Variants in OTOP1 observed in about 807,000 individuals in gnomAD.
OTOP1 encodes the protein proton channel OTOP1.
OTOP1 carries 59 observed loss-of-function variants against 52.9 expected under a neutral mutation model. The observed-to-expected ratio is 1.12, with a 90% CI of 0.91 to 1.39. The LOEUF (loss-of-function observed/expected upper bound fraction) is 1.39, where lower values mean the gene tolerates loss of function less well. OTOP1 is among the 40% of genes most tolerant of loss of function. OTOP1 has a pLI of 0.00. For synonymous variants in OTOP1, 317 were observed against 337.7 expected (o/e 0.94, Z 0.67); for missense variants, 761 against 800.9 (o/e 0.95, Z 0.60).
intron 1 of OTOP1, among the ~76,000 whole-genome samples, chr4:4,223,334 A>C (rs571932782): frequency 6.6e-6 from 1 of 152,306 alleles, no homozygotes; most frequent in African/African-American, 2.4e-5. Flanking sequence ...CTCAGGTGCC[A>C]ATGCTCGGAG....
intron 1 of OTOP1, 124 bp from the exon 2 acceptor site, chr4:4,213,128 A>C: frequency 8.0e-7 from 1 of 1,250,134 alleles, no homozygotes. Context: ...ATTTTTCACA[A>C]GGGTGCCGAG....
intron 2 of OTOP1, among the ~76,000 whole-genome samples, chr4:4,209,348 C>T (rs1179619802): frequency 1.3e-5 from 2 of 151,880 alleles, no homozygotes; most frequent in Non-Finnish European, 2.9e-5. Flanking sequence ...ATACTTTTTT[C>T]CATTCTCCAG....
chr4:4,199,620 C>A (rs1211411984), intron 4 of OTOP1, among the ~76,000 whole-genome samples: 1 of 152,158 alleles, frequency 6.6e-6, no homozygotes, highest in Admixed American at 6.5e-5. Context: ...GCCACGTTGG[C>A]TAGGCTGGTC....
chr4:4,210,612 C>T (rs1717005249), intron 2 of OTOP1, among the ~76,000 whole-genome samples: 1 of 152,136 alleles, frequency 6.6e-6, no homozygotes, highest in Admixed American at 6.5e-5. Context: ...AGGTGGATTG[C>T]CTGAGGTCAG....
chr4:4,207,899 G>A (rs778258666), intron 2 of OTOP1, among the ~76,000 whole-genome samples: 2 of 152,218 alleles, frequency 1.3e-5, no homozygotes, highest in Non-Finnish European at 2.9e-5. Context: ...CAAATACTGG[G>A]AAACAAGGAA....
In OTOP1 at chr4:4,197,721, A is replaced by C. The variant is rs765210936; in HGVS notation, c.1113T>G (p.Ile371Met). ...MGAAGLAGIR[I>M]YRIDEKSLDE... The stretch of plus-strand genomic sequence containing the variant: ...CCAGTGACTTCTCGTCTATCCTGTA[A>C]ATCCGGATTCCAGCCAGCCCCGCAG... The change falls in exon 5 of 6, where the codon ATT (isoleucine) becomes ATG (methionine). Residue 371 changes from isoleucine (I) to methionine (M), a missense_variant. By Grantham distance (10) the Ile-to-Met change is conservative. Transcript: ENST00000296358. 6.8e-6 allele frequency: 11 copies of C among 1,613,452 alleles called. No homozygotes were observed. Among genetic ancestry groups the C allele is most frequent in the Non-Finnish European group, 9.3e-6 (11 of 1,179,918 alleles).
intron 3 of OTOP1, among the ~76,000 whole-genome samples, chr4:4,205,370 C>T (rs73209145): frequency 0.086 from 13,139 of 152,248 alleles, 746 homozygotes; most frequent in East Asian, 0.23. Context: ...CCTCTCCCTG[C>T]GCCTGCCTGA....
Position 4,226,512 on chromosome 4 carries a change from C to T in OTOP1, c.353G>A (p.Arg118His). ...CGTGTCCTTGAGGCGGAAGAGGCGG[C>T]GGTGCGCGGAGCTGCGGCCCACGTA... ...LWYVGRSSAH[R>H]RLFRLKDTHA... The change falls in exon 1 of 6, where the codon CGC (arginine) becomes CAC (histidine). Residue 118 changes from arginine to histidine, a missense_variant. Arg to His is a conservative substitution (Grantham distance 29). This residue lies in a region of OTOP1 where 56 missense variants were observed against 105.6 expected (regional missense o/e 0.53). Transcript: ENST00000296358. 2 of 1,584,210 alleles carry T rather than the reference C, an allele frequency of 1.3e-6. No homozygotes were observed. The highest frequency in any genetic ancestry group is 8.5e-7 in the Non-Finnish European group (1 of 1,172,024).
chr4:4,200,406 G>A (rs1381492924), intron 4 of OTOP1, among the ~76,000 whole-genome samples: 1 of 151,162 alleles, frequency 6.6e-6, no homozygotes, highest in East Asian at 1.9e-4. Context: ...CTCCCGGGAG[G>A]CAGAGCTTGC....
intron 4 of OTOP1, among the ~76,000 whole-genome samples, chr4:4,201,059 G>T (rs1490116530): frequency 6.6e-6 from 1 of 152,224 alleles, no homozygotes; most frequent in African/African-American, 2.4e-5. Context: ...ATCATGGCTC[G>T]ATCACGTGTT....
intron 4 of OTOP1, among the ~76,000 whole-genome samples, chr4:4,200,930 G>A (rs1716770655): frequency 6.6e-6 from 1 of 152,132 alleles, no homozygotes; most frequent in Non-Finnish European, 1.5e-5. Flanking sequence ...GACCAGGGAA[G>A]AAAGCAGGAG....
intron 5 of OTOP1, among the ~76,000 whole-genome samples, chr4:4,196,962 G>C (rs971917318): frequency 6.6e-6 from 1 of 152,092 alleles, no homozygotes; most frequent in Non-Finnish European, 1.5e-5. Context: ...GGGACTACTA[G>C]GGGGAGAGGC....
intron 1 of OTOP1, among the ~76,000 whole-genome samples, chr4:4,221,223 G>A (rs1385680674): frequency 1.3e-5 from 2 of 151,736 alleles, no homozygotes; most frequent in South Asian, 2.1e-4. Context: ...GGGATTACAG[G>A]CACTCCACAT....
At position 4,197,162 on chromosome 4, in the gene OTOP1, T is replaced by A. The variant is rs769356261; in HGVS notation, c.1668+4A>T. 22 of 1,594,476 alleles carry A rather than the reference T, an allele frequency of 1.4e-5. No homozygotes were observed. The highest frequency in any genetic ancestry group is 1.8e-5 in the Non-Finnish European group (21 of 1,168,822). ...AAGAATAAGAATAACTTGGTGCAGA[T>A]TACCGAAATATTGCAGAGGAACAAG... On this transcript the variant is annotated splice_donor_region_variant and intron_variant, in intron 5 of 5. Coordinates refer to ENST00000296358, the MANE Select transcript of OTOP1 (RefSeq NM_177998.3).
chr4:4,207,858 T>G (rs2108801296), intron 2 of OTOP1, among the ~76,000 whole-genome samples: 2 of 152,298 alleles, frequency 1.3e-5, no homozygotes, highest in Admixed American at 1.3e-4. Context: ...ACAGATGATT[T>G]TGAGGGCTTC....
chr4:4,201,463 T>TACACACACACACAC (rs200995441), intron 4 of OTOP1, among the ~76,000 whole-genome samples: 2 of 128,320 alleles, frequency 1.6e-5, no homozygotes, highest in African/African-American at 6.7e-5. Context: ...TAAATAAATA[T>TACACACACACACAC]ATATATATAC....
At chr4:4,225,566 C>CAAA (rs60600637) in intron 1 of OTOP1, among the ~76,000 whole-genome samples, 2,754 of 111,446 alleles carry the variant, frequency 0.025, 175 homozygotes, top group African/African-American at 0.088. Context: ...AACATTGTCT[C>CAAA]AAAAAAAAAA....
Position 4,197,843 on chromosome 4 carries a change from C to A in OTOP1, c.991G>T (p.Val331Leu), listed in dbSNP as rs1716683349. The A allele has an allele frequency of 1.9e-6, 3 of 1,614,030 alleles. No homozygotes were observed. Among genetic ancestry groups the A allele is most frequent in the Non-Finnish European group, 2.5e-6 (3 of 1,180,010 alleles). Residue 331 changes from valine to leucine, a missense_variant, in exon 5 of 6, where the codon GTA becomes TTA. Around this residue, in one of 3 missense-constraint regions of OTOP1, gnomAD observed 632 missense variants for 619.5 expected, o/e 1.02. Transcript: ENST00000296358. ...VLAATIAVVV[V>L]YLIHIGRSKT... ...GAGCGCCCAATATGAATCAGGTATA[C>A]CACCACCACAGCAATGGTGGCGGCC... is the stretch of plus-strand genomic sequence containing the variant.
chr4:4,195,351 C>T lies in OTOP1; in HGVS notation c.1668+1815G>A, dbSNP rs185158670. ...AACTTCCAGTCATTCCTTGCTGATG[C>T]GGACAGATAGGTGAGTGACTGTACA... is the stretch of plus-strand genomic sequence containing the variant. On this transcript the variant is annotated intron_variant, in intron 5 of 5. Transcript: ENST00000296358. 1.1e-3 allele frequency among the ~76,000 whole-genome samples: 169 copies of T among 152,298 alleles called. 1 individual carries two copies. Among genetic ancestry groups the T allele is most frequent in the Admixed American group, 2.0e-3 (30 of 15,298 alleles).
Sources: allele counts gnomAD v4.1 joint callset (sites outside exome capture counted in the v4.1 genomes callset), GRCh38; gene constraint gnomAD v4.1.1; regional missense constraint gnomAD v4.1.1; transcripts MANE v1.5; gene names NCBI Gene and HGNC (gene_info 2026-07-23, HGNC 2026-07-21).